The following MCTP1 variants were observed in gnomAD, a reference collection of about 807,000 sequenced individuals.
MCTP1 encodes the protein multiple C2 and transmembrane domain containing 1.
In MCTP1, 69 loss-of-function variants were observed where a neutral mutation model predicts 120.6. The observed-to-expected ratio is 0.57, with a 90% CI of 0.47 to 0.70. MCTP1 has a LOEUF of 0.70. Ranked by LOEUF, MCTP1 falls within the 30% of genes least tolerant of loss-of-function variation. The pLI is 0.00. For missense variants in MCTP1, 1,203 were observed against 1,248.8 expected, an observed-to-expected ratio of 0.96 and a Z score of 0.55; for synonymous variants, 529 against 493.1, an observed-to-expected ratio of 1.07 and a Z score of -0.96.
intron 1 of MCTP1, among the ~76,000 whole-genome samples, chr5:95,048,843 C>T (rs1407465721): frequency 6.6e-6 from 1 of 152,158 alleles, no homozygotes; most frequent in African/African-American, 2.4e-5. Flanking sequence ...TCAATGCCAC[C>T]ATCTTCCTCC....
At chr5:94,950,760 C>A (rs2153527699) in intron 3 of MCTP1, among the ~76,000 whole-genome samples, 1 of 151,852 alleles carries the variant, frequency 6.6e-6, no homozygotes, top group Non-Finnish European at 1.5e-5. Flanking sequence ...GAGACCATCC[C>A]AGCTAACAAG....
chr5:95,138,166 A>G (rs963322387), intron 1 of MCTP1, among the ~76,000 whole-genome samples: 3 of 151,718 alleles, frequency 2.0e-5, no homozygotes, highest in African/African-American at 7.3e-5. Flanking sequence ...GAACTGTGCT[A>G]TGTCTGCTAC....
intron 1 of MCTP1, among the ~76,000 whole-genome samples, chr5:95,030,840 G>A (rs1840145079): frequency 6.6e-6 from 1 of 151,856 alleles, no homozygotes; most frequent in Admixed American, 6.6e-5. Flanking sequence ...TGAAAAAACA[G>A]ATAAAGAACT....
At chr5:95,175,098 T>TG (rs1760571763) in intron 1 of MCTP1, among the ~76,000 whole-genome samples, 1 of 152,118 alleles carries the variant, frequency 6.6e-6, no homozygotes, top group Admixed American at 6.5e-5. Context: ...CCAGACACAG[T>TG]GGGAAAAAAA....
At chr5:94,835,169 T>A (rs1220059278) in intron 17 of MCTP1, among the ~76,000 whole-genome samples, 2 of 152,164 alleles carry the variant, frequency 1.3e-5, no homozygotes, top group African/African-American at 2.4e-5. Context: ...ATGCTTAGAT[T>A]TAAGGGTTTG....
In MCTP1 at chr5:95,017,382, C is replaced by T; in HGVS notation, c.823G>A (p.Ala275Thr). The change falls in exon 2 of 23, where the codon GCT becomes ACT. Residue 275 changes from alanine to threonine, a missense_variant. Transcript: ENST00000515393. ...ITLRRGQSLA[A>T]RDRGGTSDPY... ...ATGCTCTTACCTCCTCGATCTCGAG[C>T]AGCTAAACTTTGACCCCTTCTTAAT... 2 of 1,605,456 alleles carry T rather than the reference C, an allele frequency of 1.2e-6. No homozygotes were observed. Among genetic ancestry groups the T allele is most frequent in the Non-Finnish European group, 8.5e-7 (1 of 1,174,458 alleles).
chr5:94,828,464 G>C (rs1450951082), intron 17 of MCTP1, among the ~76,000 whole-genome samples: 1 of 152,216 alleles, frequency 6.6e-6, no homozygotes, highest in Non-Finnish European at 1.5e-5. Flanking sequence ...ACTGTCCCTT[G>C]GCAGAGCTTG....
At chr5:94,791,500 T>TACACACAC (rs1215532713) in intron 18 of MCTP1, among the ~76,000 whole-genome samples, 22,460 of 148,420 alleles carry the variant, frequency 0.15, 2,643 homozygotes, top group African/African-American at 0.33. Flanking sequence ...GTTTCTAAAA[T>TACACACAC]ACACACACAC....
intron 1 of MCTP1, among the ~76,000 whole-genome samples, chr5:95,052,077 T>C (rs772450912): frequency 5.3e-5 from 8 of 152,172 alleles, no homozygotes; most frequent in South Asian, 2.1e-4. Context: ...TGCAAGAGGG[T>C]ATCCTAAAAG....
chr5:94,923,892 C>A (rs908643675), intron 7 of MCTP1, 70 bp downstream of exon 7: 8 of 879,684 alleles, frequency 9.1e-6, no homozygotes, highest in Non-Finnish European at 1.4e-5. Context: ...TCTTAGTTGC[C>A]ATGTAACTTT....
At chr5:95,158,317 C>T (rs1421806324) in intron 1 of MCTP1, among the ~76,000 whole-genome samples, 1 of 152,076 alleles carries the variant, frequency 6.6e-6, no homozygotes, top group Non-Finnish European at 1.5e-5. Context: ...ATGGATTTCA[C>T]TTTCTATAGG....
At chr5:95,229,891 G>A (rs1754723482) in intron 1 of MCTP1, among the ~76,000 whole-genome samples, 1 of 152,162 alleles carries the variant, frequency 6.6e-6, no homozygotes, top group East Asian at 1.9e-4. Flanking sequence ...TTTCTCAAGA[G>A]GGGACTGGAA....
chr5:95,206,553 T>G lies in MCTP1; in HGVS notation c.720+77303A>C, dbSNP rs536751028. On this transcript the variant is annotated intron_variant, in intron 1 of 22. Transcript: ENST00000515393. ...ATTTTATAGATTTTGTTTGTTTTTT[T>G]GAGACGGAGTCTCACTCTGTCACCA... 7.2e-5 allele frequency among the ~76,000 whole-genome samples: 11 copies of G among 152,322 alleles called. 1 individual carries two copies. The South Asian group carries it at 2.3e-3, about 32-fold the overall frequency.
At chr5:94,973,623 C>A (rs1323030343) in intron 2 of MCTP1, among the ~76,000 whole-genome samples, 2 of 152,148 alleles carry the variant, frequency 1.3e-5, no homozygotes, top group African/African-American at 4.8e-5. Flanking sequence ...GAATGACATA[C>A]ATTACTGTTA....
intron 1 of MCTP1, among the ~76,000 whole-genome samples, chr5:95,257,809 A>ACACACACACACACACC: frequency 6.6e-6 from 1 of 151,720 alleles, no homozygotes; most frequent in South Asian, 2.1e-4. Flanking sequence ...ACACACACAC[A>ACACACACACACACACC]CACACACACA....
intron 1 of MCTP1, among the ~76,000 whole-genome samples, chr5:95,033,665 A>G (rs1346511343): frequency 1.3e-5 from 2 of 152,102 alleles, no homozygotes; most frequent in East Asian, 3.8e-4. Context: ...ACAAACTGGA[A>G]CAAGACAGAT....
intron 10 of MCTP1, among the ~76,000 whole-genome samples, chr5:94,896,906 A>C (rs1422494969): frequency 6.6e-6 from 1 of 152,134 alleles, no homozygotes; most frequent in Non-Finnish European, 1.5e-5. Context: ...GGAGACATAC[A>C]GTTAGTTATT....
chr5:94,873,027 A>T, intron 13 of MCTP1, 112 bp downstream of exon 13: 1 of 694,538 alleles, frequency 1.4e-6, no homozygotes, highest in African/African-American at 1.8e-5. Context: ...GGCCAGATGC[A>T]TTGAGTTGTG....
intron 19 of MCTP1, among the ~76,000 whole-genome samples, chr5:94,759,360 T>A (rs1770738519): frequency 6.6e-6 from 1 of 152,192 alleles, no homozygotes; most frequent in African/African-American, 2.4e-5. Context: ...TAGTTTCCAC[T>A]GGGAATGCTA....
Sources: gnomAD v4.1 joint callset for allele counts (sites outside exome capture counted in the v4.1 genomes callset) on GRCh38, gnomAD v4.1.1 for gene constraint, MANE v1.5 for transcripts, NCBI Gene and HGNC (gene_info 2026-07-23, HGNC 2026-07-21) for gene names.